Variants in MAP2 observed in about 807,000 individuals in gnomAD.
MAP2 encodes microtubule-associated protein 2.
In MAP2, 14 loss-of-function variants were observed where a neutral mutation model predicts 137.6. The ratio of observed to expected loss-of-function variants is 0.10; its 90% confidence interval spans 0.07 to 0.16. The LOEUF (loss-of-function observed/expected upper bound fraction) is 0.16, where lower values mean the gene tolerates loss of function less well. Ranked by LOEUF, MAP2 falls within the 10% of genes least tolerant of loss-of-function variation. The pLI is 1.00. For synonymous variants in MAP2, 786 were observed against 782.3 expected, an observed-to-expected ratio of 1.00 and a Z score of -0.08; for missense variants, 2,088 against 2,191.5, an observed-to-expected ratio of 0.95 and a Z score of 0.94.
chr2:209,698,096 C>T (rs1377133189), intron 10 of MAP2, among the ~76,000 whole-genome samples: 1 of 151,980 alleles, frequency 6.6e-6, no homozygotes, highest in Admixed American at 6.6e-5. Context: ...GATCCACCTG[C>T]CTCAGCCTCC....
chr2:209,443,563 T>C lies in MAP2; in HGVS notation c.-222+19287T>C, dbSNP rs1247449185. On this transcript the variant is annotated intron_variant, in intron 1 of 15. Coordinates refer to ENST00000682079, the MANE Select transcript of MAP2 (RefSeq NM_001375505.1). ...TACTTCTTGATGTATGCTACCAGTCTCTTCAACGACCCACTCCCAAAGAAC... is the reference window on the plus strand; with the variant it reads ...TACTTCTTGATGTATGCTACCAGTCCCTTCAACGACCCACTCCCAAAGAAC... Among the ~76,000 whole-genome samples, 6 of 4,112 alleles carry C rather than the reference T, an allele frequency of 1.5e-3. No homozygotes were observed. The Non-Finnish European group carries it at 0.018, about 12-fold the overall frequency. 2.7% of individuals were successfully genotyped at this position (4,112 alleles called of 152,430 possible).
chr2:209,570,511 C>G (rs2074222880), intron 2 of MAP2, among the ~76,000 whole-genome samples: 1 of 151,886 alleles, frequency 6.6e-6, no homozygotes, highest in African/African-American at 2.4e-5. Context: ...GGTTCTTAAT[C>G]ATTTTATCAG....
chr2:209,429,121 T>A (rs1330708860), intron 1 of MAP2, among the ~76,000 whole-genome samples: 1 of 151,848 alleles, frequency 6.6e-6, no homozygotes, highest in Non-Finnish European at 1.5e-5. Flanking sequence ...TCCCGGCTAA[T>A]TTTTTGTATT....
At chr2:209,668,350 AT>A (rs1396175039) in intron 5 of MAP2, among the ~76,000 whole-genome samples, 1 of 152,024 alleles carries the variant, frequency 6.6e-6, no homozygotes, top group Non-Finnish European at 1.5e-5. Context: ...GTAAAATTTT[AT>A]TTCAACAAAC....
intron 4 of MAP2, among the ~76,000 whole-genome samples, chr2:209,642,252 C>G (rs75589072): frequency 0.15 from 23,200 of 151,422 alleles, 2,444 homozygotes; most frequent in African/African-American, 0.29. Flanking sequence ...GGCAACATAA[C>G]AAGACCCATC....
In MAP2 at chr2:209,731,235, T is replaced by C. The variant is rs2075732810; in HGVS notation, c.*838T>C. Reference sequence around the variant, plus strand: ...TTCCTCATATACTTGAATATTATACTTCTTTATTCACAGTATCTGTGTCTC... The same window carrying C: ...TTCCTCATATACTTGAATATTATACCTCTTTATTCACAGTATCTGTGTCTC... On this transcript the variant is annotated 3_prime_UTR_variant, in exon 16 of 16. Coordinates refer to ENST00000682079, the MANE Select transcript of MAP2 (RefSeq NM_001375505.1). The C allele has an allele frequency of 6.6e-6, 1 of 152,398 alleles. No individual in the cohort carries two copies. The highest frequency in any genetic ancestry group is 6.5e-5 in the Admixed American group (1 of 15,284). The allele number at this position is 152,398 out of a possible 1,614,324, so 9.4% of individuals were successfully genotyped here.
chr2:209,679,675 A>T (rs1023398169), intron 6 of MAP2, among the ~76,000 whole-genome samples: 3 of 152,102 alleles, frequency 2.0e-5, no homozygotes, highest in South Asian at 2.1e-4. Context: ...AATTTAGAAT[A>T]CACTCAGTAT....
intron 3 of MAP2, among the ~76,000 whole-genome samples, chr2:209,584,234 A>G (rs2077168699): frequency 6.6e-6 from 1 of 152,100 alleles, no homozygotes; most frequent in African/African-American, 2.4e-5. Context: ...TACTTCATAG[A>G]GTATGAGTTT....
chr2:209,671,653 G>T (rs2048882536), intron 5 of MAP2, among the ~76,000 whole-genome samples: 1 of 151,870 alleles, frequency 6.6e-6, no homozygotes, highest in Non-Finnish European at 1.5e-5. Context: ...TTATACCAAA[G>T]ATTCTTAAAA....
At chr2:209,461,802 T>G (rs540801588) in intron 1 of MAP2, among the ~76,000 whole-genome samples, 1 of 152,316 alleles carries the variant, frequency 6.6e-6, no homozygotes, top group East Asian at 1.9e-4. Context: ...GTCTCTAATC[T>G]TCTAGTATTT....
intron 7 of MAP2, among the ~76,000 whole-genome samples, chr2:209,684,199 G>T (rs981361265): frequency 1.3e-5 from 2 of 152,166 alleles, no homozygotes; most frequent in African/African-American, 4.8e-5. Context: ...GGCTGTGAAG[G>T]AATGGAATAA....
intron 3 of MAP2, among the ~76,000 whole-genome samples, chr2:209,606,994 G>C (rs992818056): frequency 1.3e-5 from 2 of 152,046 alleles, no homozygotes; most frequent in East Asian, 1.9e-4. Context: ...TATTTTGAAA[G>C]TATTTTATTG....
At chr2:209,455,880 T>C (rs1701422890) in intron 1 of MAP2, among the ~76,000 whole-genome samples, 1 of 152,172 alleles carries the variant, frequency 6.6e-6, no homozygotes, top group South Asian at 2.1e-4. Flanking sequence ...CTACTACTAC[T>C]ACCACCATTA....
chr2:209,450,683 A>C (rs1483605280), intron 1 of MAP2, among the ~76,000 whole-genome samples: 1 of 152,180 alleles, frequency 6.6e-6, no homozygotes, highest in African/African-American at 2.4e-5. Context: ...ATATCATCCA[A>C]GAGTATCTTG....
Position 209,610,567 on chromosome 2 carries a change from G to A in MAP2, c.-106-14486G>A, listed in dbSNP as rs2086489793. 2.0e-5 allele frequency among the ~76,000 whole-genome samples: 3 copies of A among 151,150 alleles called. No individual in the cohort carries two copies. The South Asian group carries it at 6.2e-4, about 31-fold the overall frequency. ...TGGCATTTCAAGTTTTCTTTTATGT[G>A]TTTACCAAATAACTTGTTATCAAAA... is the stretch of plus-strand genomic sequence containing the variant. On this transcript the variant is annotated intron_variant, in intron 3 of 15. Transcript: ENST00000682079.
chr2:209,425,702 T>A (rs6751612), intron 1 of MAP2, among the ~76,000 whole-genome samples: 85,934 of 152,126 alleles, frequency 0.56, 26,136 homozygotes, highest in African/African-American at 0.79. Context: ...AAATGTCCCA[T>A]GCATGAGCTG....
chr2:209,476,077 A>G (rs1239880756), intron 1 of MAP2, among the ~76,000 whole-genome samples: 1 of 152,174 alleles, frequency 6.6e-6, no homozygotes, highest in Non-Finnish European at 1.5e-5. Context: ...AAACAAAACA[A>G]GTTTCTTATC....
At chr2:209,540,460 C>T (rs544481220) in intron 2 of MAP2, among the ~76,000 whole-genome samples, 5 of 150,938 alleles carry the variant, frequency 3.3e-5, no homozygotes, top group East Asian at 3.9e-4. Context: ...GGTGAAACCC[C>T]GTCTCTACTA....
intron 14 of MAP2, among the ~76,000 whole-genome samples, chr2:209,728,172 T>A (rs1330079932): frequency 6.6e-6 from 1 of 152,086 alleles, no homozygotes; most frequent in African/African-American, 2.4e-5. Context: ...TTTAACACGA[T>A]TATATTGACA....
Sources: allele counts gnomAD v4.1 joint callset (sites outside exome capture counted in the v4.1 genomes callset), GRCh38; gene constraint gnomAD v4.1.1; transcripts MANE v1.5; gene names NCBI Gene and HGNC (gene_info 2026-07-23, HGNC 2026-07-21).